The following PRKAR2A variants were observed in gnomAD, a reference collection of about 807,000 sequenced individuals.
PRKAR2A encodes protein kinase cAMP-dependent type II regulatory subunit alpha.
A neutral mutation model predicts 51.9 loss-of-function variants in PRKAR2A; 29 were observed. That is an observed-to-expected ratio of 0.56 (90% confidence interval 0.42 to 0.76). The LOEUF is 0.76. PRKAR2A is among the 30% of genes least tolerant of loss of function. The pLI is 0.00. For synonymous variants in PRKAR2A, 178 were observed against 186.2 expected (o/e 0.96, Z 0.36); for missense variants, 445 against 512.1 (o/e 0.87, Z 1.26).
At chr3:48,790,707 C>G in intron 3 of PRKAR2A, 80 bp from the exon 4 acceptor site, 1 of 898,940 alleles carries the variant, frequency 1.1e-6, no homozygotes, top group Middle Eastern at 2.4e-4. Flanking sequence ...ATTTGTTTCT[C>G]CAAAAAGTGG....
chr3:48,778,971 G>A (rs1170724863), intron 5 of PRKAR2A, among the ~76,000 whole-genome samples: 9 of 151,724 alleles, frequency 5.9e-5, no homozygotes, highest in East Asian at 1.9e-4. Flanking sequence ...GATTAAAGGC[G>A]CCCACCACCA....
intron 1 of PRKAR2A, among the ~76,000 whole-genome samples, chr3:48,842,502 G>A (rs1484785142): frequency 2.6e-5 from 4 of 152,328 alleles, no homozygotes; most frequent in African/African-American, 4.8e-5. Context: ...AGGTTTCAAA[G>A]GGAATGCTTC....
chr3:48,805,702 C>T (rs557420256), intron 2 of PRKAR2A, among the ~76,000 whole-genome samples: 1 of 152,302 alleles, frequency 6.6e-6, no homozygotes, highest in Admixed American at 6.5e-5. Context: ...ACCTGGCACA[C>T]GGTCTGCACT....
chr3:48,794,024 A>G lies in PRKAR2A; in HGVS notation c.324T>C (p.Asp108=), dbSNP rs1199520431. ...VSVCAETYNP[D]EEEEDTDPRV... ...TTGGATCTGTATCTTCCTCTTCCTCATCAGGGTTATAGGTCTCAGCACAGA... is the reference window on the plus strand; with the variant it reads ...TTGGATCTGTATCTTCCTCTTCCTCGTCAGGGTTATAGGTCTCAGCACAGA... The change falls in exon 3 of 11, where the codon GAT becomes GAC. Residue 108 remains aspartate, a synonymous_variant. Coordinates refer to ENST00000265563, the MANE Select transcript of PRKAR2A (RefSeq NM_004157.4). 28 of 1,606,086 alleles carry G rather than the reference A, an allele frequency of 1.7e-5. No individual in the cohort carries two copies. Among genetic ancestry groups the G allele is most frequent in the Non-Finnish European group, 2.2e-5 (26 of 1,172,876 alleles).
chr3:48,829,356 T>C (rs1164651068), intron 1 of PRKAR2A, among the ~76,000 whole-genome samples: 5 of 150,452 alleles, frequency 3.3e-5, no homozygotes, highest in African/African-American at 7.3e-5. Context: ...CTGTCTATAC[T>C]AAAAATACAA....
chr3:48,745,079 T>C (rs890873884), downstream of PRKAR2A, among the ~76,000 whole-genome samples: 9 of 152,004 alleles, frequency 5.9e-5, no homozygotes, highest in East Asian at 1.7e-3. Context: ...TTCACCATGT[T>C]GGCCAGGCTG....
intron 5 of PRKAR2A, among the ~76,000 whole-genome samples, chr3:48,775,988 TC>T (rs2082099213): frequency 6.6e-6 from 1 of 152,048 alleles, no homozygotes; most frequent in South Asian, 2.1e-4. Context: ...GTGCCTGTAA[TC>T]CCAGCTATTC....
chr3:48,844,750 C>T (rs1439294690), intron 1 of PRKAR2A, among the ~76,000 whole-genome samples: 10 of 149,430 alleles, frequency 6.7e-5, no homozygotes, highest in Admixed American at 6.7e-5. Flanking sequence ...AAAAACCAAA[C>T]ACCGCATGTT....
chr3:48,787,186 TTATG>T (rs1259699409), intron 4 of PRKAR2A, among the ~76,000 whole-genome samples: 78 of 150,562 alleles, frequency 5.2e-4, no homozygotes, highest in Non-Finnish European at 9.9e-4. Flanking sequence ...ATTTATTTAT[TTATG>T]TATTTATTTA....
At chr3:48,756,913 G>C (rs2081780039) in intron 8 of PRKAR2A, among the ~76,000 whole-genome samples, 1 of 152,208 alleles carries the variant, frequency 6.6e-6, no homozygotes, top group Admixed American at 6.5e-5. Flanking sequence ...CTAGGCTGAT[G>C]TTTCTGAGTT....
intron 2 of PRKAR2A, among the ~76,000 whole-genome samples, chr3:48,805,098 A>C (rs936281277): frequency 6.6e-6 from 1 of 151,654 alleles, no homozygotes; most frequent in Non-Finnish European, 1.5e-5. Flanking sequence ...ATTTTTTGAG[A>C]GATGGGGTCT....
Position 48,764,929 on chromosome 3 carries a change from G to C in PRKAR2A, c.873+75C>G. On this transcript the variant is annotated intron_variant, in intron 8 of 10. Coordinates refer to ENST00000265563, the MANE Select transcript of PRKAR2A (RefSeq NM_004157.4). Reference sequence around the variant, plus strand: ...CGTGAGCCACTGCGTCCGGCAAGAAGTTTTTGAGATAAATGATGTACTAGT... The same window carrying C: ...CGTGAGCCACTGCGTCCGGCAAGAACTTTTTGAGATAAATGATGTACTAGT... The C allele has an allele frequency of 2.9e-6, 4 of 1,393,664 alleles. No homozygotes were observed. The South Asian group carries it at 4.8e-5, about 17-fold the overall frequency. The allele number at this position is 1,393,664 out of a possible 1,614,324, so 86.3% of individuals were successfully genotyped here.
intron 2 of PRKAR2A, among the ~76,000 whole-genome samples, chr3:48,801,833 T>C (rs2082595460): frequency 6.6e-6 from 1 of 151,872 alleles, no homozygotes; most frequent in Non-Finnish European, 1.5e-5. Context: ...GTCTCCAGAG[T>C]TCAAGCGATT....
At chr3:48,752,072 C>T in intron 10 of PRKAR2A, 104 bp downstream of exon 10, 1 of 1,363,106 alleles carries the variant, frequency 7.3e-7, no homozygotes, top group South Asian at 1.4e-5. Flanking sequence ...ACTGCCTAGG[C>T]CTAGACAGCA....
At position 48,802,356 on chromosome 3, in the gene PRKAR2A, T is replaced by C. The variant is rs531234363; in HGVS notation, c.298+5293A>G. ...CAGCCTGAAAAAGGTGTCCTTTAAA[T>C]GAAGGTCTGAAGAATGTGAGTGAGC... On this transcript the variant is annotated intron_variant, in intron 2 of 10. Transcript: ENST00000265563. Among the ~76,000 whole-genome samples, 9 of 152,010 alleles carry C rather than the reference T, an allele frequency of 5.9e-5. No homozygotes were observed. In the South Asian group the frequency reaches 1.9e-3, roughly 32 times the overall value.
intron 1 of PRKAR2A, among the ~76,000 whole-genome samples, chr3:48,813,989 A>G (rs1249884568): frequency 6.6e-6 from 1 of 151,988 alleles, no homozygotes; most frequent in Non-Finnish European, 1.5e-5. Flanking sequence ...GGCCAGGCGC[A>G]GTGTAATCCC....
chr3:48,785,411 C>A (rs549568941), intron 4 of PRKAR2A, among the ~76,000 whole-genome samples: 279 of 152,252 alleles, frequency 1.8e-3, no homozygotes, highest in Middle Eastern at 0.014. Flanking sequence ...CAGAATGTGC[C>A]ACCATGCCCA....
intron 1 of PRKAR2A, among the ~76,000 whole-genome samples, chr3:48,812,545 C>A (rs1483627435): frequency 6.7e-6 from 1 of 150,280 alleles, no homozygotes; most frequent in Non-Finnish European, 1.5e-5. Flanking sequence ...TGCAGTGGCA[C>A]AATCTTGGCT....
At chr3:48,842,156 T>G (rs1477053006) in intron 1 of PRKAR2A, among the ~76,000 whole-genome samples, 3 of 152,194 alleles carry the variant, frequency 2.0e-5, no homozygotes, top group African/African-American at 4.8e-5. Flanking sequence ...TTCCTAGGTA[T>G]TTTATTCTCT....
Sources: allele counts gnomAD v4.1 joint callset (sites outside exome capture counted in the v4.1 genomes callset), GRCh38; gene constraint gnomAD v4.1.1; transcripts MANE v1.5; gene names NCBI Gene and HGNC (gene_info 2026-07-23, HGNC 2026-07-21).